Variants in SPATA13 observed in about 807,000 individuals in gnomAD.
SPATA13 encodes the protein spermatogenesis-associated protein 13.
Under a neutral mutation model 104.0 loss-of-function variants are expected in SPATA13, and 50 were observed. The observed-to-expected ratio is 0.48, with a 90% confidence interval of 0.38 to 0.61. The LOEUF is 0.61. Ranked by LOEUF, SPATA13 falls within the 20% of genes least tolerant of loss-of-function variation. SPATA13 has a pLI of 0.00. For missense variants in SPATA13, 1,524 were observed against 1,690.6 expected, an observed-to-expected ratio of 0.90 and a Z score of 1.73; for synonymous variants, 606 against 667.5, an observed-to-expected ratio of 0.91 and a Z score of 1.42.
chr13:24,113,502 G>A (rs184413326), intron 3 of SPATA13, among the ~76,000 whole-genome samples: 52 of 152,222 alleles, frequency 3.4e-4, no homozygotes, highest in Non-Finnish European at 5.0e-4. Flanking sequence ...TGCTCGGGAG[G>A]CTGAGGCATG....
chr13:24,228,351 G>A (rs1333601692), intron 2 of SPATA13, among the ~76,000 whole-genome samples: 1 of 151,808 alleles, frequency 6.6e-6, no homozygotes, highest in Non-Finnish European at 1.5e-5. Flanking sequence ...TCCTGACCTC[G>A]TGATCTGCCT....
intron 3 of SPATA13, among the ~76,000 whole-genome samples, chr13:24,080,211 G>A (rs1879464327): frequency 1.3e-5 from 2 of 152,130 alleles, no homozygotes; most frequent in South Asian, 4.1e-4. Flanking sequence ...TCCTTCACAT[G>A]ACCGTATGTC....
At chr13:24,165,208 T>C (rs1254222869) in intron 1 of SPATA13, among the ~76,000 whole-genome samples, 1 of 152,180 alleles carries the variant, frequency 6.6e-6, no homozygotes, top group Non-Finnish European at 1.5e-5. Flanking sequence ...GGGACTGCCC[T>C]AGTCTTTGTG....
chr13:23,982,845 TAC>T (rs1321064224), intron 1 of SPATA13, among the ~76,000 whole-genome samples: 1 of 152,164 alleles, frequency 6.6e-6, no homozygotes. Context: ...GCAAACCAGG[TAC>T]ACGTGTGAGC....
rs778961788 is a variant in SPATA13 at position 24,284,150 on chromosome 13, G to A, written c.2180G>A (p.Gly727Asp). The A allele has an allele frequency of 6.2e-7, 1 of 1,612,804 alleles. No homozygotes were observed. The highest frequency in any genetic ancestry group is 8.5e-7 in the Non-Finnish European group (1 of 1,179,254). The change falls in exon 5 of 13, where the codon GGT (glycine) becomes GAT (aspartate). Residue 727 changes from glycine to aspartate, a missense_variant. Physicochemically the swap from Gly to Asp is moderately conservative, Grantham distance 94. Coordinates refer to ENST00000382108, the MANE Select transcript of SPATA13 (RefSeq NM_001166271.3). ...TATGTTTTAGTTTCTTCAGATGGAG[G>A]TACTGAGCCCTCTGCCTTAGTGGAT... The part of the protein sequence containing the change: ...MRASNVSSDG[G>D]TEPSALVDDN...
At chr13:24,093,829 C>G (rs745568489) in intron 3 of SPATA13, among the ~76,000 whole-genome samples, 1 of 152,110 alleles carries the variant, frequency 6.6e-6, no homozygotes, top group Admixed American at 6.5e-5. Context: ...GTGTCAAAGC[C>G]TGGGTCATGG....
At chr13:24,173,294 G>C (rs1883063122) in intron 1 of SPATA13, among the ~76,000 whole-genome samples, 3 of 151,932 alleles carry the variant, frequency 2.0e-5, no homozygotes, top group Admixed American at 6.6e-5. Context: ...AGCCGGGATA[G>C]ACAATTGATT....
In SPATA13 at chr13:24,205,235, T is replaced by C. The variant is rs558769375; in HGVS notation, c.-111-17584T>C. Among the ~76,000 whole-genome samples the C allele has an allele frequency of 6.6e-6, 1 of 152,146 alleles. No homozygotes were observed. The highest frequency in any genetic ancestry group is 1.5e-5 in the Non-Finnish European group (1 of 68,032). ...AAGCTCCTTCAGCTGATAAACAACTTCAGCAAATTCTCAGAATACAAAACC... is the reference window on the plus strand; with the variant it reads ...AAGCTCCTTCAGCTGATAAACAACTCCAGCAAATTCTCAGAATACAAAACC... On this transcript the variant is annotated intron_variant, in intron 1 of 12. Coordinates refer to ENST00000382108, the MANE Select transcript of SPATA13 (RefSeq NM_001166271.3). The surrounding 1 kb of genome is among the most constrained non-coding windows in gnomAD (Gnocchi z 4.1).
intron 3 of SPATA13, among the ~76,000 whole-genome samples, chr13:24,108,216 A>G (rs142332296): frequency 5.3e-5 from 8 of 152,296 alleles, no homozygotes; most frequent in African/African-American, 1.9e-4. Context: ...TGATTTAATC[A>G]CCGCCTAAAG....
At chr13:24,164,976 A>T (rs1477908925) in intron 1 of SPATA13, among the ~76,000 whole-genome samples, 2 of 152,128 alleles carry the variant, frequency 1.3e-5, no homozygotes, top group Non-Finnish European at 2.9e-5. Flanking sequence ...CTGTGGCAAC[A>T]CCGCAGAATG....
At chr13:24,143,371 A>G (rs982800911) in intron 3 of SPATA13, among the ~76,000 whole-genome samples, 1 of 152,128 alleles carries the variant, frequency 6.6e-6, no homozygotes, top group Admixed American at 6.5e-5. Flanking sequence ...TAAAAATCCT[A>G]AGTAGTACCT....
chr13:24,032,161 G>T (rs1378615660), intron 3 of SPATA13, among the ~76,000 whole-genome samples: 1 of 152,118 alleles, frequency 6.6e-6, no homozygotes, highest in Admixed American at 6.6e-5. Flanking sequence ...CAAGAATTCT[G>T]GTAGGCTGGT....
intron 3 of SPATA13, among the ~76,000 whole-genome samples, chr13:24,118,911 C>CTT (rs67348620): frequency 4.8e-5 from 7 of 146,486 alleles, no homozygotes; most frequent in African/African-American, 1.7e-4. Flanking sequence ...CTTTTCTTTT[C>CTT]TTTTTTTTTT....
rs1871711945 is a variant in SPATA13 at position 24,223,302 on chromosome 13, A to G, written c.373A>G (p.Ile125Val). 3 of 1,551,486 alleles carry G rather than the reference A, an allele frequency of 1.9e-6. No homozygotes were observed. The highest frequency in any genetic ancestry group is 2.0e-5 in the Admixed American group (1 of 50,990). The change falls in exon 2 of 13, where the codon ATT (isoleucine) becomes GTT (valine). Residue 125 changes from isoleucine (I) to valine (V), a missense_variant. Around this residue, in one of 2 missense-constraint regions of SPATA13, gnomAD observed 1,089 missense variants for 1,135.9 expected, o/e 0.96. Coordinates refer to ENST00000382108, the MANE Select transcript of SPATA13 (RefSeq NM_001166271.3). ...KKLKSSVLKG[I>V]QSREGSNACS... is the part of the protein sequence containing the mutation. ...ACTGAAGTCCTCAGTCCTGAAAGGA[A>G]TTCAGAGCCGAGAGGGGTCAAATGC...
intron 11 of SPATA13, 131 bp downstream of exon 11, chr13:24,297,866 G>T: frequency 3.5e-6 from 4 of 1,137,406 alleles, no homozygotes; most frequent in South Asian, 1.6e-5. Flanking sequence ...AAAGGACAAG[G>T]GATCTGCAAA....
chr13:24,015,506 G>C (rs1369669891), intron 2 of SPATA13, among the ~76,000 whole-genome samples: 1 of 152,210 alleles, frequency 6.6e-6, no homozygotes, highest in Non-Finnish European at 1.5e-5. Flanking sequence ...TCTGTTAGCA[G>C]TAATTTAATA....
chr13:24,103,457 C>T (rs1241217724), intron 3 of SPATA13, among the ~76,000 whole-genome samples: 2 of 115,878 alleles, frequency 1.7e-5, no homozygotes, highest in Admixed American at 2.1e-4. Context: ...TGTACTCCAG[C>T]CTGGGCAACA....
At chr13:23,997,513 G>T (rs569028732) in intron 2 of SPATA13, among the ~76,000 whole-genome samples, 21 of 151,466 alleles carry the variant, frequency 1.4e-4, no homozygotes, top group African/African-American at 5.1e-4. Flanking sequence ...ACTAGTTCAT[G>T]GCTTTTCATT....
At chr13:24,173,762 T>A (rs1166553049) in intron 1 of SPATA13, among the ~76,000 whole-genome samples, 1 of 152,212 alleles carries the variant, frequency 6.6e-6, no homozygotes, top group East Asian at 1.9e-4. Context: ...TGGATTACAC[T>A]GATTAATTTT....
Sources: allele counts gnomAD v4.1 joint callset (sites outside exome capture counted in the v4.1 genomes callset), GRCh38; gene constraint gnomAD v4.1.1; regional missense constraint gnomAD v4.1.1; non-coding constraint Gnocchi (gnomAD v3.1); transcripts MANE v1.5; gene names NCBI Gene and HGNC (gene_info 2026-07-23, HGNC 2026-07-21).